The following WDR7 variants were observed in gnomAD, a reference collection of about 807,000 sequenced individuals.
The protein encoded by WDR7 is WD repeat domain 7.
WDR7 carries 46 observed loss-of-function variants against 169.4 expected under a neutral mutation model. The observed-to-expected ratio is 0.27, with a 90% CI of 0.21 to 0.35. The LOEUF is 0.35. WDR7 is among the 10% of genes least tolerant of loss of function. The probability of loss-of-function intolerance (pLI) is 1.00; values close to 1 mark genes in which losing one functional copy is unlikely to be tolerated. For synonymous variants in WDR7, 612 were observed against 666.8 expected (o/e 0.92, Z 1.27); for missense variants, 1,534 against 1,859.3 (o/e 0.83, Z 3.22).
chr18:56,887,864 A>G (rs184949049), intron 21 of WDR7, among the ~76,000 whole-genome samples: 4 of 152,290 alleles, frequency 2.6e-5, no homozygotes, highest in East Asian at 1.9e-4. Context: ...TTGATCAGTC[A>G]TGTGTAATAT....
chr18:56,851,963 T>C (rs2045647011), intron 20 of WDR7, among the ~76,000 whole-genome samples: 2 of 152,190 alleles, frequency 1.3e-5, no homozygotes, highest in Admixed American at 6.5e-5. Context: ...TGAAAGGCTA[T>C]AGTTTCAGTT....
intron 5 of WDR7, 139 bp downstream of exon 5, chr18:56,682,992 G>C (rs1598958606): frequency 6.4e-6 from 6 of 935,112 alleles, no homozygotes; most frequent in Non-Finnish European, 9.4e-6. Flanking sequence ...ATAATTTATG[G>C]TCTGTTTCTT....
intron 20 of WDR7, among the ~76,000 whole-genome samples, chr18:56,829,410 C>G (rs936139712): frequency 2.0e-5 from 3 of 152,078 alleles, no homozygotes; most frequent in Non-Finnish European, 4.4e-5. Context: ...GTCCAGCACC[C>G]CCTCCCCATG....
chr18:56,964,350 A>C (rs2047377902), intron 26 of WDR7, among the ~76,000 whole-genome samples: 1 of 151,882 alleles, frequency 6.6e-6, no homozygotes, highest in Non-Finnish European at 1.5e-5. Flanking sequence ...ATATCATTTT[A>C]GTATATTTAG....
At chr18:56,807,925 A>T (rs1193556551) in intron 19 of WDR7, among the ~76,000 whole-genome samples, 1 of 152,180 alleles carries the variant, frequency 6.6e-6, no homozygotes, top group Non-Finnish European at 1.5e-5. Context: ...TTTCTACAAG[A>T]CATCTATACT....
At chr18:56,753,558 C>T (rs2043827141) in intron 14 of WDR7, among the ~76,000 whole-genome samples, 1 of 152,080 alleles carries the variant, frequency 6.6e-6, no homozygotes, top group African/African-American at 2.4e-5. Flanking sequence ...TCACTGTGGA[C>T]TAACTTCCTT....
chr18:57,016,332 C>T (rs1438841138), intron 26 of WDR7, among the ~76,000 whole-genome samples: 1 of 152,048 alleles, frequency 6.6e-6, no homozygotes, highest in South Asian at 2.1e-4. Flanking sequence ...GAATCTTTTC[C>T]TTGTGCTGGT....
At chr18:57,022,721 C>G (rs2048308900) in intron 27 of WDR7, among the ~76,000 whole-genome samples, 1 of 152,166 alleles carries the variant, frequency 6.6e-6, no homozygotes, top group African/African-American at 2.4e-5. Context: ...AAAATTACTG[C>G]CCAGGTCACT....
At chr18:56,654,964 C>G (rs1462533134) in intron 1 of WDR7, among the ~76,000 whole-genome samples, 1 of 152,186 alleles carries the variant, frequency 6.6e-6, no homozygotes, top group Non-Finnish European at 1.5e-5. Flanking sequence ...CATATATACT[C>G]TGAATATTGA....
chr18:56,993,431 A>G (rs117132242), intron 26 of WDR7, among the ~76,000 whole-genome samples: 45 of 152,288 alleles, frequency 3.0e-4, no homozygotes, highest in Non-Finnish European at 6.0e-4. Flanking sequence ...GCCTGGAAAA[A>G]TTGTAAAGTT....
intron 20 of WDR7, among the ~76,000 whole-genome samples, chr18:56,841,128 C>T (rs1041437552): frequency 1.3e-5 from 2 of 151,222 alleles, no homozygotes; most frequent in Admixed American, 6.6e-5. Context: ...GGGAGGTAAA[C>T]GTTACAGTGA....
chr18:56,969,137 ATCTC>A (rs2047450043), intron 26 of WDR7, among the ~76,000 whole-genome samples: 1 of 152,166 alleles, frequency 6.6e-6, no homozygotes, highest in South Asian at 2.1e-4. Flanking sequence ...GTGTCAGACA[ATCTC>A]TCTAGCCCAT....
At chr18:56,821,645 C>T (rs1356331530) in intron 20 of WDR7, among the ~76,000 whole-genome samples, 6 of 114,460 alleles carry the variant, frequency 5.2e-5, no homozygotes, top group African/African-American at 1.7e-4. Flanking sequence ...CCTGCATACC[C>T]CTCCTTTTTT....
intron 26 of WDR7, among the ~76,000 whole-genome samples, chr18:57,013,832 C>G (rs2048171174): frequency 6.6e-6 from 1 of 152,220 alleles, no homozygotes; most frequent in Non-Finnish European, 1.5e-5. Context: ...ACGGGGAGCA[C>G]TGCAGATGCA....
chr18:56,914,263 G>C (rs1243418449), intron 21 of WDR7, among the ~76,000 whole-genome samples: 2 of 152,168 alleles, frequency 1.3e-5, no homozygotes, highest in Non-Finnish European at 2.9e-5. Flanking sequence ...GTCACCTTCT[G>C]CAGAGTCCTT....
At chr18:56,753,672 A>G (rs961787955) in intron 14 of WDR7, among the ~76,000 whole-genome samples, 2 of 148,276 alleles carry the variant, frequency 1.3e-5, no homozygotes, top group Non-Finnish European at 1.5e-5. Flanking sequence ...GAGTGTGATG[A>G]TTTGATATAC....
intron 5 of WDR7, among the ~76,000 whole-genome samples, chr18:56,684,788 A>G (rs2025413516): frequency 1.3e-5 from 2 of 152,230 alleles, no homozygotes; most frequent in African/African-American, 4.8e-5. Context: ...GTTTGGTAAA[A>G]TAAAATTCAG....
At position 56,681,590 on chromosome 18, in the gene WDR7, A is replaced by G. The variant is rs116667780; in HGVS notation, c.345+199A>G. Reference sequence around the variant, plus strand: ...AGGGGTAAGAAAGGAGAGGAGACTAATGGGGAAAGATACAGGGCAAGCAAA... The same window carrying G: ...AGGGGTAAGAAAGGAGAGGAGACTAGTGGGGAAAGATACAGGGCAAGCAAA... On this transcript the variant is annotated intron_variant, in intron 4 of 27. Transcript: ENST00000254442. 8.7e-3 allele frequency among the ~76,000 whole-genome samples: 1,332 copies of G among 152,326 alleles called. 20 individuals are homozygous for G. Among genetic ancestry groups the G allele is most frequent in the African/African-American group, 0.031 (1,275 of 41,572 alleles).
intron 20 of WDR7, among the ~76,000 whole-genome samples, chr18:56,834,600 C>T (rs1368970561): frequency 6.6e-6 from 1 of 151,896 alleles, no homozygotes; most frequent in Non-Finnish European, 1.5e-5. Context: ...AGTGATATTC[C>T]TTAGAAGGTG....
Sources: gnomAD v4.1 joint callset for allele counts (sites outside exome capture counted in the v4.1 genomes callset) on GRCh38, gnomAD v4.1.1 for gene constraint, MANE v1.5 for transcripts, NCBI Gene and HGNC (gene_info 2026-07-23, HGNC 2026-07-21) for gene names.